KIAA1549L: variants seen among roughly 807,000 people sequenced by gnomAD.
KIAA1549L encodes the protein KIAA1549 like, also known as UPF0606 protein KIAA1549L.
KIAA1549L carries 88 observed loss-of-function variants against 160.7 expected under a neutral mutation model. The observed-to-expected ratio is 0.55, with a 90% CI of 0.46 to 0.65. The LOEUF is 0.65. KIAA1549L is among the 30% of genes least tolerant of loss of function. KIAA1549L has a pLI of 0.00. For synonymous variants in KIAA1549L, 950 were observed against 976.7 expected, an observed-to-expected ratio of 0.97 and a Z score of 0.51; for missense variants, 2,258 against 2,437.5, an observed-to-expected ratio of 0.93 and a Z score of 1.55.
At chr11:33,480,342 G>A (rs76361957) in intron 1 of KIAA1549L, among the ~76,000 whole-genome samples, 5,288 of 152,188 alleles carry the variant, frequency 0.035, 165 homozygotes, top group South Asian at 0.088. Context: ...GGGCTCAGCC[G>A]TGCTGTAGCA....
intron 1 of KIAA1549L, among the ~76,000 whole-genome samples, chr11:33,392,384 G>A (rs1337486533): frequency 1.3e-5 from 2 of 152,152 alleles, no homozygotes; most frequent in Non-Finnish European, 1.5e-5. Context: ...GTAAGTTGCA[G>A]ACATCAGTAC....
chr11:33,463,146 T>G (rs963949662), intron 1 of KIAA1549L, among the ~76,000 whole-genome samples: 1 of 152,176 alleles, frequency 6.6e-6, no homozygotes, highest in Non-Finnish European at 1.5e-5. Context: ...TCTTCCTTAA[T>G]GGTACTTTCT....
chr11:33,485,158 A>G (rs1416744636), intron 1 of KIAA1549L, among the ~76,000 whole-genome samples: 3 of 152,194 alleles, frequency 2.0e-5, no homozygotes, highest in Non-Finnish European at 4.4e-5. Context: ...GTTTTAGGAA[A>G]GGACTTCCTG....
chr11:33,617,354 A>C (rs1025189806), intron 15 of KIAA1549L, among the ~76,000 whole-genome samples: 2 of 152,130 alleles, frequency 1.3e-5, no homozygotes, highest in Admixed American at 6.5e-5. Context: ...TCTCCTCACT[A>C]TGTTGCTATT....
At chr11:33,660,437 C>A (rs556410854) in intron 19 of KIAA1549L, among the ~76,000 whole-genome samples, 1 of 152,232 alleles carries the variant, frequency 6.6e-6, no homozygotes, top group Admixed American at 6.5e-5. Context: ...CAGTGGCAGG[C>A]GCTTGTAGTT....
At chr11:33,502,073 C>T (rs139462873) in intron 1 of KIAA1549L, among the ~76,000 whole-genome samples, 17 of 151,786 alleles carry the variant, frequency 1.1e-4, no homozygotes, top group East Asian at 7.7e-4. Context: ...AGGGGACTTT[C>T]GAGGGAGTTC....
chr11:33,518,138 C>CAAAAAAAAAAAAAAA (rs560876643), intron 1 of KIAA1549L, among the ~76,000 whole-genome samples: 56 of 59,408 alleles, frequency 9.4e-4, no homozygotes, highest in African/African-American at 1.9e-3. Flanking sequence ...GACTCTGTCT[C>CAAAAAAAAAAAAAAA]AAAAAAAAAA....
At chr11:33,473,385 G>GGATA (rs901377055) in intron 1 of KIAA1549L, among the ~76,000 whole-genome samples, 1 of 152,164 alleles carries the variant, frequency 6.6e-6, no homozygotes, top group African/African-American at 2.4e-5. Context: ...GGCGAACAGG[G>GGATA]GATACTTCCT....
At position 33,552,653 on chromosome 11, in the gene KIAA1549L, AACACACACACACACACACACACAC is replaced by A. The variant is rs761358417; in HGVS notation, c.3855+440_3855+463del. Among the ~76,000 whole-genome samples, 8 of 131,518 alleles carry A rather than the reference AACACACACACACACACACACACAC, an allele frequency of 6.1e-5. No homozygotes were observed. The South Asian group carries it at 1.4e-3, about 22-fold the overall frequency. 86.3% of individuals were successfully genotyped at this position (131,518 alleles called of 152,430 possible). A position where few individuals can be genotyped will look rare whatever the true frequency, so the allele number is the denominator to read the frequency against. ...AGTTGCCTTAGTTTAGACACATGCC[AACACACACACACACACACACACAC>A]ACACACACACACACACACACACACA... On this transcript the variant is annotated intron_variant, in intron 6 of 20. Coordinates refer to ENST00000658780, the MANE Select transcript of KIAA1549L (RefSeq NM_012194.3).
chr11:33,470,950 A>G (rs948440456), intron 1 of KIAA1549L, among the ~76,000 whole-genome samples: 2 of 152,062 alleles, frequency 1.3e-5, no homozygotes, highest in Non-Finnish European at 2.9e-5. Flanking sequence ...GTACTGCTAC[A>G]GTGTGATTTA....
Position 33,530,434 on chromosome 11 carries a change from AAAATATATATATATATAT to A in KIAA1549L, c.239-11366_239-11349del, listed in dbSNP as rs1242218494. Among the ~76,000 whole-genome samples the A allele has an allele frequency of 4.5e-3, 31 of 6,862 alleles. 1 individual carries two copies. The highest frequency in any genetic ancestry group is 0.025 in the Admixed American group (14 of 562). 4.5% of individuals were successfully genotyped at this position (6,862 alleles called of 152,430 possible). ...AGAAGGAAAAAAAAAAAAAAAAAAA[AAAATATATATATATATAT>A]ATATATATATATATATATATATATA... On this transcript the variant is annotated intron_variant, in intron 1 of 20. Coordinates refer to ENST00000658780, the MANE Select transcript of KIAA1549L (RefSeq NM_012194.3).
chr11:33,611,582 C>A (rs1200386819), intron 15 of KIAA1549L, among the ~76,000 whole-genome samples: 1 of 152,000 alleles, frequency 6.6e-6, no homozygotes, highest in Non-Finnish European at 1.5e-5. Flanking sequence ...TGTGTTAATA[C>A]CTGTAGAAAA....
At chr11:33,605,801 T>C (rs1379582677) in intron 13 of KIAA1549L, among the ~76,000 whole-genome samples, 1 of 152,264 alleles carries the variant, frequency 6.6e-6, no homozygotes, top group Non-Finnish European at 1.5e-5. Flanking sequence ...TGCCTAGCCA[T>C]GCTCAATAAG....
At chr11:33,611,931 C>T (rs1590396544) in intron 15 of KIAA1549L, among the ~76,000 whole-genome samples, 1 of 152,198 alleles carries the variant, frequency 6.6e-6, no homozygotes, top group East Asian at 1.9e-4. Flanking sequence ...AGAGAGGCAT[C>T]ACCTCTGCCT....
chr11:33,627,973 C>G (rs1387042515), intron 16 of KIAA1549L, among the ~76,000 whole-genome samples: 2 of 151,794 alleles, frequency 1.3e-5, no homozygotes, highest in Non-Finnish European at 2.9e-5. Flanking sequence ...CCCAGAGATT[C>G]TGGTATGTTG....
intron 1 of KIAA1549L, among the ~76,000 whole-genome samples, chr11:33,463,485 C>T (rs911591469): frequency 5.3e-5 from 8 of 151,996 alleles, no homozygotes; most frequent in Admixed American, 1.3e-4. Context: ...TAAATACCAA[C>T]GTCTTGGGTG....
At chr11:33,617,010 A>G (rs549775091) in intron 15 of KIAA1549L, among the ~76,000 whole-genome samples, 1 of 151,968 alleles carries the variant, frequency 6.6e-6, no homozygotes, top group South Asian at 2.1e-4. Context: ...GCTTTGTGGT[A>G]TGTGCCTGTA....
chr11:33,587,130 A>T (rs1849907488), intron 11 of KIAA1549L, among the ~76,000 whole-genome samples: 2 of 152,344 alleles, frequency 1.3e-5, no homozygotes, highest in South Asian at 4.1e-4. Flanking sequence ...TCACTTTGAG[A>T]TATGTCTAGT....
At chr11:33,532,899 C>T (rs1271702166) in intron 1 of KIAA1549L, among the ~76,000 whole-genome samples, 1 of 152,120 alleles carries the variant, frequency 6.6e-6, no homozygotes, top group South Asian at 2.1e-4. Context: ...CTCAGTGTTT[C>T]CAGCAGTCAA....
Sources: gnomAD v4.1 joint callset for allele counts (sites outside exome capture counted in the v4.1 genomes callset) on GRCh38, gnomAD v4.1.1 for gene constraint, MANE v1.5 for transcripts, NCBI Gene and HGNC (gene_info 2026-07-23, HGNC 2026-07-21) for gene names.